PRKCB: variants seen among roughly 807,000 people sequenced by gnomAD.
The protein encoded by PRKCB is protein kinase C beta type.
In PRKCB, 13 loss-of-function variants were observed where a neutral mutation model predicts 81.5. The ratio of observed to expected loss-of-function variants is 0.16; its 90% confidence interval spans 0.10 to 0.25. PRKCB has a LOEUF of 0.25. Among genes scored for constraint, PRKCB ranks in the 10% least tolerant of loss-of-function variants. The probability of loss-of-function intolerance (pLI) is 1.00; values close to 1 mark genes in which losing one functional copy is unlikely to be tolerated. For synonymous variants in PRKCB, 335 were observed against 321.4 expected, an observed-to-expected ratio of 1.04 and a Z score of -0.45; for missense variants, 509 against 875.7, an observed-to-expected ratio of 0.58 and a Z score of 5.29.
chr16:24,198,789 A>G (rs2141985036), intron 16 of PRKCB, among the ~76,000 whole-genome samples: 1 of 152,330 alleles, frequency 6.6e-6, no homozygotes, highest in Non-Finnish European at 1.5e-5. Flanking sequence ...AATATGATGC[A>G]TCTGATCGTC....
chr16:24,064,450 A>C (rs1966008647), intron 5 of PRKCB, among the ~76,000 whole-genome samples: 1 of 152,146 alleles, frequency 6.6e-6, no homozygotes. Context: ...TCTTTTTGTT[A>C]TTGATAGTTT....
intron 5 of PRKCB, among the ~76,000 whole-genome samples, chr16:24,040,790 A>G (rs1965688007): frequency 6.6e-6 from 1 of 152,232 alleles, no homozygotes; most frequent in African/African-American, 2.4e-5. Context: ...GAGGTAGAAC[A>G]TGCAGAAAAT....
chr16:23,870,982 C>T (rs76181452), intron 2 of PRKCB, among the ~76,000 whole-genome samples: 110 of 152,252 alleles, frequency 7.2e-4, no homozygotes, highest in African/African-American at 2.5e-3. Context: ...GCCTGGACCC[C>T]GTGGGTCTCC....
intron 2 of PRKCB, among the ~76,000 whole-genome samples, chr16:23,919,668 C>T (rs1182860571): frequency 1.3e-5 from 2 of 152,198 alleles, no homozygotes; most frequent in Non-Finnish European, 2.9e-5. Flanking sequence ...ATTCTCCATT[C>T]CCTCTTCCTC....
intron 9 of PRKCB, among the ~76,000 whole-genome samples, chr16:24,137,274 G>A (rs529761702): frequency 1.6e-3 from 243 of 150,940 alleles, no homozygotes; most frequent in Admixed American, 3.1e-3. Flanking sequence ...CTGCAGCCCC[G>A]AACTCCTGGG....
chr16:23,870,900 G>A (rs924227885), intron 2 of PRKCB, among the ~76,000 whole-genome samples: 10 of 152,102 alleles, frequency 6.6e-5, no homozygotes, highest in Admixed American at 5.2e-4. Context: ...GGTTATCTGG[G>A]GCCTGATTGG....
chr16:24,102,130 G>T (rs1365105253), intron 7 of PRKCB, among the ~76,000 whole-genome samples: 1 of 152,140 alleles, frequency 6.6e-6, no homozygotes, highest in Non-Finnish European at 1.5e-5. Context: ...TGACTGGATG[G>T]ATGCTTTGTG....
At chr16:24,044,114 G>A (rs958371075) in intron 5 of PRKCB, among the ~76,000 whole-genome samples, 1 of 152,088 alleles carries the variant, frequency 6.6e-6, no homozygotes, top group Non-Finnish European at 1.5e-5. Flanking sequence ...CAGCACTTTG[G>A]GAGGCTGAGG....
chr16:23,860,133 A>G (rs1962641040), intron 2 of PRKCB, among the ~76,000 whole-genome samples: 5 of 152,138 alleles, frequency 3.3e-5, no homozygotes, highest in Admixed American at 3.3e-4. Flanking sequence ...TAGCTTCTTC[A>G]TTTTGAAAAA....
At chr16:24,180,699 AAC>A (rs72052424) in intron 12 of PRKCB, 89 bp from the exon 13 acceptor site, 130,438 of 1,472,452 alleles carry the variant, frequency 0.089, 6,435 homozygotes, top group East Asian at 0.17. Context: ...CACAACACCT[AAC>A]ACAGTGTTTT....
chr16:23,951,154 G>A (rs1369879873), intron 2 of PRKCB, among the ~76,000 whole-genome samples: 1 of 152,192 alleles, frequency 6.6e-6, no homozygotes, highest in African/African-American at 2.4e-5. Context: ...CAAAGCACGT[G>A]GGAGGAAAGA....
intron 5 of PRKCB, among the ~76,000 whole-genome samples, chr16:24,089,504 C>T (rs1052828000): frequency 6.6e-6 from 1 of 152,200 alleles, no homozygotes; most frequent in Non-Finnish European, 1.5e-5. Context: ...CATGGTGGCT[C>T]ACACTTGTAA....
intron 5 of PRKCB, among the ~76,000 whole-genome samples, chr16:24,085,192 G>A (rs1038759049): frequency 6.7e-6 from 1 of 148,322 alleles, no homozygotes; most frequent in Admixed American, 6.7e-5. Flanking sequence ...AGACATAAAA[G>A]GATAAACTAC....
intron 2 of PRKCB, among the ~76,000 whole-genome samples, chr16:23,891,263 C>T (rs1185150455): frequency 5.3e-5 from 8 of 151,944 alleles, no homozygotes; most frequent in Non-Finnish European, 1.0e-4. Flanking sequence ...ATGCTGCCTG[C>T]GCTGTTCTTG....
intron 2 of PRKCB, among the ~76,000 whole-genome samples, chr16:23,953,961 C>T (rs1377641284): frequency 5.3e-5 from 8 of 151,718 alleles, no homozygotes; most frequent in South Asian, 2.1e-4. Flanking sequence ...CTCTGCCTCC[C>T]GGGTTCAAGC....
chr16:24,152,148 A>G (rs1967089582), intron 9 of PRKCB, among the ~76,000 whole-genome samples: 1 of 152,164 alleles, frequency 6.6e-6, no homozygotes, highest in Admixed American at 6.5e-5. Flanking sequence ...TGTGTAATTT[A>G]TGAAAAAGAG....
chr16:23,941,152 A>G (rs996325481), intron 2 of PRKCB, among the ~76,000 whole-genome samples: 1 of 152,218 alleles, frequency 6.6e-6, no homozygotes, highest in African/African-American at 2.4e-5. Flanking sequence ...ACTCAATGCT[A>G]CTATTGTAGC....
intron 2 of PRKCB, among the ~76,000 whole-genome samples, chr16:23,876,770 C>T (rs934217588): frequency 6.6e-6 from 1 of 152,144 alleles, no homozygotes; most frequent in African/African-American, 2.4e-5. Flanking sequence ...TGTATTTGTT[C>T]TGCTCTGTCC....
chr16:24,194,994 A>G (rs144484721), intron 16 of PRKCB, among the ~76,000 whole-genome samples: 3,374 of 152,180 alleles, frequency 0.022, 57 homozygotes, highest in African/African-American at 0.076. Context: ...GCTTGAGCCC[A>G]GGAATTTGAG....
Sources: gnomAD v4.1 joint callset for allele counts (sites outside exome capture counted in the v4.1 genomes callset) on GRCh38, gnomAD v4.1.1 for gene constraint, MANE v1.5 for transcripts, NCBI Gene and HGNC (gene_info 2026-07-23, HGNC 2026-07-21) for gene names.